The following KIAA1549 variants were observed in gnomAD, a reference collection of about 807,000 sequenced individuals.
The protein encoded by KIAA1549 is UPF0606 protein KIAA1549.
KIAA1549 carries 70 observed loss-of-function variants against 156.4 expected under a neutral mutation model. The observed-to-expected ratio is 0.45, with a 90% CI of 0.37 to 0.55. KIAA1549 has a LOEUF of 0.55. KIAA1549 is among the 20% of genes least tolerant of loss of function. KIAA1549 has a pLI of 0.00. For missense variants in KIAA1549, 2,428 were observed against 2,540.9 expected, an observed-to-expected ratio of 0.96 and a Z score of 0.96; for synonymous variants, 1,103 against 1,066.4, an observed-to-expected ratio of 1.03 and a Z score of -0.67.
chr7:138,904,652 G>A (rs530011033), intron 7 of KIAA1549, among the ~76,000 whole-genome samples: 1 of 148,002 alleles, frequency 6.8e-6, no homozygotes, highest in African/African-American at 2.5e-5. Context: ...CTTCCCAGGT[G>A]CCAAGCCACC....
chr7:138,855,115 G>A (rs1810348916), intron 16 of KIAA1549, among the ~76,000 whole-genome samples: 1 of 152,086 alleles, frequency 6.6e-6, no homozygotes, highest in African/African-American at 2.4e-5. Flanking sequence ...AGGGGAGGGA[G>A]GGGGAATCAG....
intron 1 of KIAA1549, among the ~76,000 whole-genome samples, chr7:138,949,415 A>C (rs1813430659): frequency 1.3e-5 from 2 of 152,212 alleles, no homozygotes. Context: ...ATTAGGTATC[A>C]GTAAAATTTA....
intron 1 of KIAA1549, among the ~76,000 whole-genome samples, chr7:138,978,686 A>G (rs1365484462): frequency 6.6e-6 from 1 of 152,186 alleles, no homozygotes; most frequent in Non-Finnish European, 1.5e-5. Flanking sequence ...CTCACATAGG[A>G]AGTCCAAAAC....
intron 9 of KIAA1549, among the ~76,000 whole-genome samples, chr7:138,897,956 T>C (rs554577593): frequency 1.4e-5 from 2 of 145,356 alleles, no homozygotes; most frequent in South Asian, 2.2e-4. Flanking sequence ...AAGGACTATT[T>C]AGAAAAATAC....
intron 16 of KIAA1549, among the ~76,000 whole-genome samples, chr7:138,852,639 G>A (rs970686933): frequency 6.6e-6 from 1 of 152,196 alleles, no homozygotes; most frequent in Non-Finnish European, 1.5e-5. Flanking sequence ...TAAAAGGCAG[G>A]CCTGAATGCC....
At chr7:138,925,253 A>AT (rs200451257) in intron 1 of KIAA1549, among the ~76,000 whole-genome samples, 13 of 149,530 alleles carry the variant, frequency 8.7e-5, no homozygotes, top group Non-Finnish European at 1.3e-4. Flanking sequence ...GTACCCTTAC[A>AT]TTTTTTTTTT....
At position 138,918,895 on chromosome 7, in the gene KIAA1549, G is replaced by A. The variant is rs1344807792; in HGVS notation, c.731C>T (p.Pro244Leu). Residue 244 changes from proline to leucine, a missense_variant, in exon 2 of 20, where the codon CCA (proline) becomes CTA (leucine). Transcript: ENST00000422774. This position sits in a 1 kb window ranked among gnomAD's most constrained non-coding sequence, Gnocchi z 4.2. Reference protein sequence around the residue: ...SAFRTSEGIVPTPGRNLVLYP... With the variant: ...SAFRTSEGIVLTPGRNLVLYP... Reference sequence around the variant, plus strand: ...AAGCACCAAATTCCTGCCAGGAGTTGGAACGATGCCCTCAGAGGTGCGAAA... The same window carrying A: ...AAGCACCAAATTCCTGCCAGGAGTTAGAACGATGCCCTCAGAGGTGCGAAA... 3.1e-6 allele frequency: 5 copies of A among 1,614,038 alleles called. No homozygotes were observed. The South Asian group carries it at 5.5e-5, about 18-fold the overall frequency.
intron 1 of KIAA1549, 86 bp downstream of exon 1, chr7:138,980,997 G>C (rs990263457): frequency 2.6e-6 from 3 of 1,137,970 alleles, no homozygotes; most frequent in Non-Finnish European, 3.3e-6. Context: ...AAAGAGGATG[G>C]GCGGGGAAAG....
At chr7:138,963,989 T>C (rs1196562074) in intron 1 of KIAA1549, among the ~76,000 whole-genome samples, 2 of 152,220 alleles carry the variant, frequency 1.3e-5, no homozygotes, top group Non-Finnish European at 2.9e-5. Context: ...ATATGGCTCA[T>C]CATGGAATTT....
intron 18 of KIAA1549, among the ~76,000 whole-genome samples, chr7:138,842,819 C>T (rs1809962293): frequency 6.6e-6 from 1 of 152,142 alleles, no homozygotes; most frequent in Non-Finnish European, 1.5e-5. Flanking sequence ...CTTTTTATGA[C>T]CTCTTCATCT....
chr7:138,906,877 C>A (rs754951273), intron 6 of KIAA1549, 42 bp downstream of exon 6: 49 of 1,347,470 alleles, frequency 3.6e-5, no homozygotes, highest in Non-Finnish European at 4.6e-5. Flanking sequence ...CCAAAAATGC[C>A]CGCCATCACC....
chr7:138,944,352 A>G (rs190019225), intron 1 of KIAA1549, among the ~76,000 whole-genome samples: 6 of 152,320 alleles, frequency 3.9e-5, no homozygotes, highest in Non-Finnish European at 8.8e-5. Flanking sequence ...CAAAAGCACA[A>G]TAAAATACCA....
At chr7:138,953,166 G>A (rs1189294739) in intron 1 of KIAA1549, among the ~76,000 whole-genome samples, 1 of 152,146 alleles carries the variant, frequency 6.6e-6, no homozygotes, top group Non-Finnish European at 1.5e-5. Context: ...GACCAGCCTG[G>A]CCAACATGGT....
At chr7:138,974,318 G>C (rs1456161916) in intron 1 of KIAA1549, among the ~76,000 whole-genome samples, 1 of 151,944 alleles carries the variant, frequency 6.6e-6, no homozygotes, top group East Asian at 1.9e-4. Context: ...GGTGGCGGTG[G>C]TCCTTGGGAG....
intron 1 of KIAA1549, among the ~76,000 whole-genome samples, chr7:138,959,590 T>C (rs1813778327): frequency 6.6e-6 from 1 of 152,258 alleles, no homozygotes; most frequent in South Asian, 2.1e-4. Flanking sequence ...GGTTATCAAT[T>C]ATTTCAGCAT....
intron 4 of KIAA1549, among the ~76,000 whole-genome samples, chr7:138,909,866 G>C (rs1430921949): frequency 6.6e-6 from 1 of 152,094 alleles, no homozygotes; most frequent in Non-Finnish European, 1.5e-5. Flanking sequence ...AGAATTGCCT[G>C]AGCCCGGGAG....
intron 9 of KIAA1549, among the ~76,000 whole-genome samples, chr7:138,895,023 T>C (rs1811645554): frequency 6.6e-6 from 1 of 152,222 alleles, no homozygotes; most frequent in Admixed American, 6.5e-5. Flanking sequence ...TAGGAGTTTA[T>C]GGAAGAAAAC....
chr7:138,937,031 C>A (rs1350173769), intron 1 of KIAA1549, among the ~76,000 whole-genome samples: 2 of 152,142 alleles, frequency 1.3e-5, no homozygotes, highest in Non-Finnish European at 2.9e-5. Context: ...TTCTCAAAAT[C>A]CTCCAGTGGC....
At chr7:138,926,077 T>C (rs548822834) in intron 1 of KIAA1549, among the ~76,000 whole-genome samples, 5 of 152,176 alleles carry the variant, frequency 3.3e-5, no homozygotes, top group South Asian at 2.1e-4. Flanking sequence ...TAAAGAGCTT[T>C]CATCCAGACA....
Sources: gnomAD v4.1 joint callset for allele counts (sites outside exome capture counted in the v4.1 genomes callset) on GRCh38, gnomAD v4.1.1 for gene constraint, Gnocchi (gnomAD v3.1) non-coding constraint, MANE v1.5 for transcripts, NCBI Gene and HGNC (gene_info 2026-07-23, HGNC 2026-07-21) for gene names.